ZFHX3: variants seen among roughly 807,000 people sequenced by gnomAD.
ZFHX3 encodes zinc finger homeobox protein 3.
A neutral mutation model predicts 279.1 loss-of-function variants in ZFHX3; 42 were observed. The ratio of observed to expected loss-of-function variants is 0.15; its 90% confidence interval spans 0.12 to 0.19. ZFHX3 has a LOEUF of 0.19. Among genes scored for constraint, ZFHX3 ranks in the 10% least tolerant of loss-of-function variants. The pLI is 1.00. For synonymous variants in ZFHX3, 2,293 were observed against 1,957.8 expected, an observed-to-expected ratio of 1.17 and a Z score of -4.52; for missense variants, 4,981 against 4,754.0, an observed-to-expected ratio of 1.05 and a Z score of -1.40.
chr16:73,649,927 G>C (rs1054428277), intron 2 of ZFHX3, among the ~76,000 whole-genome samples: 2 of 152,216 alleles, frequency 1.3e-5, no homozygotes, highest in Non-Finnish European at 2.9e-5. Context: ...GTGTGGTTCA[G>C]ATAGATCTGG....
At chr16:73,330,882 T>C (rs1488192607) in intron 3 of ZFHX3, among the ~76,000 whole-genome samples, 2 of 152,208 alleles carry the variant, frequency 1.3e-5, no homozygotes, top group African/African-American at 4.8e-5. Flanking sequence ...GGTGGCTTTC[T>C]TCCTTTCTCT....
At chr16:73,523,248 T>G (rs1272116951) in intron 2 of ZFHX3, among the ~76,000 whole-genome samples, 2 of 152,184 alleles carry the variant, frequency 1.3e-5, no homozygotes, top group African/African-American at 4.8e-5. Context: ...ACACGAAAGC[T>G]CTTTAGCAAA....
intron 1 of ZFHX3, among the ~76,000 whole-genome samples, chr16:73,705,852 T>C (rs949184147): frequency 6.6e-6 from 1 of 152,200 alleles, no homozygotes; most frequent in African/African-American, 2.4e-5. Context: ...TATGGCCCTA[T>C]ACATTCAGCC....
intron 8 of ZFHX3, among the ~76,000 whole-genome samples, chr16:73,081,010 C>T (rs994316217): frequency 1.3e-5 from 2 of 152,186 alleles, no homozygotes; most frequent in Non-Finnish European, 2.9e-5. Flanking sequence ...AGGTCAAGAC[C>T]TGCCATTTTC....
At chr16:73,044,723 G>A (rs1371142691) in intron 1 of ZFHX3, among the ~76,000 whole-genome samples, 2 of 152,198 alleles carry the variant, frequency 1.3e-5, no homozygotes, top group Non-Finnish European at 2.9e-5. Flanking sequence ...CCAGATTCAA[G>A]CGATTCTCCT....
chr16:73,788,077 C>A (rs912712322), intron 1 of ZFHX3, among the ~76,000 whole-genome samples: 3 of 152,064 alleles, frequency 2.0e-5, no homozygotes, highest in Non-Finnish European at 2.9e-5. Flanking sequence ...GGTGCCCTCA[C>A]CACCGCTAGA....
chr16:72,959,197 G>T lies in ZFHX3; in HGVS notation c.949C>A (p.Leu317Ile). ...MTLSEDERKI[L>I]SNKNISAIIQ... Reference sequence around the variant, plus strand: ...ATAGCGGAGATGTTCTTATTGCTAAGAATTTTCCGCTCGTCTTCGCTCAGG... The same window carrying T: ...ATAGCGGAGATGTTCTTATTGCTAATAATTTTCCGCTCGTCTTCGCTCAGG... Residue 317 changes from leucine (L) to isoleucine (I), a missense_variant, in exon 2 of 10, where the codon CTT becomes ATT. Transcript: ENST00000268489. 1 of 1,614,222 alleles carries T rather than the reference G, an allele frequency of 6.2e-7. No homozygotes were observed. Among genetic ancestry groups the T allele is most frequent in the Non-Finnish European group, 8.5e-7 (1 of 1,180,030 alleles).
At chr16:73,477,417 A>G (rs1233529124) in intron 2 of ZFHX3, among the ~76,000 whole-genome samples, 1 of 152,204 alleles carries the variant, frequency 6.6e-6, no homozygotes, top group Non-Finnish European at 1.5e-5. Context: ...ATTACTTCAA[A>G]ATAAAAATGT....
intron 1 of ZFHX3, among the ~76,000 whole-genome samples, chr16:73,682,942 GAA>G (rs1242712738): frequency 9.1e-4 from 15 of 16,488 alleles, no homozygotes; most frequent in African/African-American, 2.1e-3. Flanking sequence ...AAGAAAGAAA[GAA>G]AGAAAGAAAG....
At chr16:73,017,139 G>A (rs1451173077) in intron 1 of ZFHX3, among the ~76,000 whole-genome samples, 3 of 151,188 alleles carry the variant, frequency 2.0e-5, no homozygotes, top group Non-Finnish European at 4.4e-5. Context: ...GAGGCAGGAA[G>A]ATCACCTCCC....
intron 2 of ZFHX3, among the ~76,000 whole-genome samples, chr16:73,590,970 A>G (rs1355658851): frequency 6.6e-6 from 1 of 152,198 alleles, no homozygotes; most frequent in Non-Finnish European, 1.5e-5. Flanking sequence ...AATTTACACA[A>G]AATACAGGAA....
chr16:73,683,926 T>C (rs2053052368), intron 1 of ZFHX3, among the ~76,000 whole-genome samples: 2 of 152,250 alleles, frequency 1.3e-5, no homozygotes, highest in Non-Finnish European at 2.9e-5. Flanking sequence ...GGGCCACATA[T>C]ACAGTCTGTG....
chr16:73,230,487 T>G (rs2012739261), intron 5 of ZFHX3, among the ~76,000 whole-genome samples: 1 of 152,186 alleles, frequency 6.6e-6, no homozygotes, highest in Non-Finnish European at 1.5e-5. Context: ...GAATCCTCCC[T>G]AGTGCCCCAT....
intron 1 of ZFHX3, among the ~76,000 whole-genome samples, chr16:73,752,159 T>A (rs533825310): frequency 6.6e-6 from 1 of 152,204 alleles, no homozygotes; most frequent in African/African-American, 2.4e-5. Context: ...AACTCCCAGC[T>A]TTCAGCTTCC....
chr16:73,344,099 T>A (rs535899389), intron 3 of ZFHX3, among the ~76,000 whole-genome samples: 1 of 152,170 alleles, frequency 6.6e-6, no homozygotes, highest in Non-Finnish European at 1.5e-5. Flanking sequence ...TTCTTATTAG[T>A]TGCAAATGGA....
chr16:73,368,335 A>C (rs1263469580), intron 3 of ZFHX3, among the ~76,000 whole-genome samples: 2 of 152,204 alleles, frequency 1.3e-5, no homozygotes, highest in Non-Finnish European at 2.9e-5. Flanking sequence ...GTAGGTGTGA[A>C]GCTGCCTCAT....
chr16:73,168,988 T>G (rs899092621), intron 5 of ZFHX3, among the ~76,000 whole-genome samples: 2 of 152,212 alleles, frequency 1.3e-5, no homozygotes, highest in South Asian at 4.1e-4. Context: ...TCAGCTTATA[T>G]TTCAGAATTA....
At position 73,376,320 on chromosome 16, in the gene ZFHX3, G is replaced by A. The variant is rs947610241; in HGVS notation, c.-1290-57984C>T. Among the ~76,000 whole-genome samples, 7 of 152,094 alleles carry A rather than the reference G, an allele frequency of 4.6e-5. No individual in the cohort carries two copies. In the South Asian group the frequency reaches 1.0e-3, roughly 23 times the overall value. On this transcript the variant is annotated intron_variant, in intron 3 of 17. Transcript: ENST00000641206. ...GTTCAAATTTAAGAAGGTCATTACC[G>A]ACTTGTTACAATTCTTTAACATTGT...
chr16:73,783,500 G>C (rs2142306407), intron 1 of ZFHX3, among the ~76,000 whole-genome samples: 1 of 152,306 alleles, frequency 6.6e-6, no homozygotes, highest in Non-Finnish European at 1.5e-5. Flanking sequence ...GTGGACAACA[G>C]TCAAAATTCG....
Sources: gnomAD v4.1 joint callset for allele counts (sites outside exome capture counted in the v4.1 genomes callset) on GRCh38, gnomAD v4.1.1 for gene constraint, MANE v1.5 for transcripts, NCBI Gene and HGNC (gene_info 2026-07-23, HGNC 2026-07-21) for gene names.